PRRX2: variants seen among roughly 807,000 people sequenced by gnomAD.
PRRX2 encodes paired related homeobox 2.
PRRX2 carries 11 observed loss-of-function variants against 18.0 expected under a neutral mutation model. The observed-to-expected ratio is 0.61, with a 90% confidence interval of 0.39 to 1.01. The LOEUF is 1.01. Among genes scored for constraint, PRRX2 ranks in the 50% least tolerant of loss-of-function variants. The probability of loss-of-function intolerance (pLI) is 0.01; values close to 1 mark genes in which losing one functional copy is unlikely to be tolerated. For missense variants in PRRX2, 387 were observed against 351.0 expected, an observed-to-expected ratio of 1.10 and a Z score of -0.82; for synonymous variants, 177 against 154.8, an observed-to-expected ratio of 1.14 and a Z score of -1.06.
In PRRX2 at chr9:129,695,775, GT is replaced by G. The variant is rs1281862219; in HGVS notation, c.260-23448del. On this transcript the variant is annotated intron_variant, in intron 1 of 3. Coordinates refer to ENST00000372469, the MANE Select transcript of PRRX2 (RefSeq NM_016307.4). This position sits in a 1 kb window ranked among gnomAD's most constrained non-coding sequence, Gnocchi z 4.8. ...TAGGCGGGGAACTTTTTAAAAGTGA[GT>G]TTTTTTTCTAAAATCCAGAATTTCT... is the stretch of plus-strand genomic sequence containing the variant. Among the ~76,000 whole-genome samples the G allele has an allele frequency of 6.6e-6, 1 of 152,158 alleles. No homozygotes were observed. Among genetic ancestry groups the G allele is most frequent in the East Asian group, 1.9e-4 (1 of 5,184 alleles).
At chr9:129,674,803 G>A (rs1414882760) in intron 1 of PRRX2, among the ~76,000 whole-genome samples, 1 of 152,146 alleles carries the variant, frequency 6.6e-6, no homozygotes, top group African/African-American at 2.4e-5. Context: ...CTGAGCCTCC[G>A]TGTCCCCATC....
chr9:129,688,693 C>T (rs1183154436), intron 1 of PRRX2, among the ~76,000 whole-genome samples: 1 of 152,176 alleles, frequency 6.6e-6, no homozygotes, highest in Admixed American at 6.5e-5. Context: ...ACCTGGGAGC[C>T]TAGCAGAGCT....
chr9:129,684,458 A>ACACACACACACACC lies in PRRX2; in HGVS notation c.259+18333_259+18334insACACACACACACCC, dbSNP rs375037713. 5.6e-4 allele frequency among the ~76,000 whole-genome samples: 67 copies of ACACACACACACACC among 118,688 alleles called. 1 individual carries two copies. The highest frequency in any genetic ancestry group is 1.8e-3 in the African/African-American group (64 of 34,746). The allele number at this position is 118,688 out of a possible 152,430, so 77.9% of individuals were successfully genotyped here. ...CACACACACACACACACACACACAC[A>ACACACACACACACC]CCCAACAGAAAAGATACCAGAAATC... is the stretch of plus-strand genomic sequence containing the variant. On this transcript the variant is annotated intron_variant, in intron 1 of 3. Transcript: ENST00000372469.
intron 3 of PRRX2, 40 bp downstream of exon 3, chr9:129,720,814 C>G (rs780318379): frequency 4.7e-6 from 7 of 1,493,242 alleles, no homozygotes; most frequent in Non-Finnish European, 6.2e-6. Flanking sequence ...AGGGGCAGCT[C>G]GAGGAATCCC....
rs766838695 is a variant in PRRX2 at position 129,719,392 on chromosome 9, G to A, written c.421G>A (p.Val141Ile). Residue 141 changes from valine to isoleucine, a missense_variant, in exon 2 of 4, where the codon GTC becomes ATC. Coordinates refer to ENST00000372469, the MANE Select transcript of PRRX2 (RefSeq NM_016307.4). ...AFVREELARR[V>I]NLSEARVQVW... ...TGTGCGCGAGGAGCTTGCCCGGCGCGTCAACCTCAGCGAGGCGCGCGTTCA... is the reference window on the plus strand; with the variant it reads ...TGTGCGCGAGGAGCTTGCCCGGCGCATCAACCTCAGCGAGGCGCGCGTTCA... The A allele has an allele frequency of 9.7e-6, 15 of 1,547,348 alleles. No homozygotes were observed. Among genetic ancestry groups the A allele is most frequent in the Middle Eastern group, 2.0e-4 (1 of 5,094 alleles).
intron 1 of PRRX2, among the ~76,000 whole-genome samples, chr9:129,703,930 C>T (rs1424686015): frequency 6.6e-6 from 1 of 152,250 alleles, no homozygotes; most frequent in Non-Finnish European, 1.5e-5. Context: ...GCCTCGCAGG[C>T]ACTGCCCTTG....
At chr9:129,697,565 C>T (rs1017883793) in intron 1 of PRRX2, among the ~76,000 whole-genome samples, 84 of 151,158 alleles carry the variant, frequency 5.6e-4, no homozygotes, top group African/African-American at 1.8e-3. Flanking sequence ...CGCACATGGC[C>T]GGGCTGGGCG....
intron 1 of PRRX2, among the ~76,000 whole-genome samples, chr9:129,706,761 G>A (rs1202496146): frequency 1.3e-5 from 2 of 152,076 alleles, no homozygotes; most frequent in African/African-American, 4.8e-5. Context: ...AAAATGTGCA[G>A]TCCAGTGATT....
rs968149957 is a variant in PRRX2 at position 129,671,338 on chromosome 9, G to A, written c.259+5212G>A. Among the ~76,000 whole-genome samples, 1 of 152,206 alleles carries A rather than the reference G, an allele frequency of 6.6e-6. No individual in the cohort carries two copies. The highest frequency in any genetic ancestry group is 6.5e-5 in the Admixed American group (1 of 15,286). On this transcript the variant is annotated intron_variant, in intron 1 of 3. Transcript: ENST00000372469. This position sits in a 1 kb window ranked among gnomAD's most constrained non-coding sequence, Gnocchi z 4.0. ...TGCATCTCGGCCTTCTTTTCGCCAG[G>A]GAGGGTTGGTTCATTATTTGTGGTT...
chr9:129,684,402 CACAGAG>C (rs1419334030), intron 1 of PRRX2, among the ~76,000 whole-genome samples: 8 of 147,660 alleles, frequency 5.4e-5, no homozygotes, highest in East Asian at 4.7e-4. Context: ...GAGACACACA[CACAGAG>C]AGAGACACAC....
intron 1 of PRRX2, among the ~76,000 whole-genome samples, chr9:129,693,070 G>A (rs1387322601): frequency 2.6e-5 from 4 of 152,170 alleles, no homozygotes; most frequent in Non-Finnish European, 5.9e-5. Context: ...GGTTGTCAGT[G>A]TTCTGGATTC....
At chr9:129,716,747 G>GCA (rs1832713156) in intron 1 of PRRX2, among the ~76,000 whole-genome samples, 2 of 152,124 alleles carry the variant, frequency 1.3e-5, no homozygotes, top group Non-Finnish European at 2.9e-5. Flanking sequence ...GAGCCACCGT[G>GCA]CCTGGCCGCT....
chr9:129,699,630 C>T (rs1327995966), intron 1 of PRRX2, among the ~76,000 whole-genome samples: 2 of 152,160 alleles, frequency 1.3e-5, no homozygotes. Flanking sequence ...TTCATTCATT[C>T]ACTTACATAT....
intron 1 of PRRX2, among the ~76,000 whole-genome samples, chr9:129,669,057 GAAAA>G (rs780732143): frequency 7.4e-6 from 1 of 134,970 alleles, no homozygotes; most frequent in African/African-American, 2.8e-5. Flanking sequence ...TGAGGCAGGA[GAAAA>G]AAAAAAGAAA....
Position 129,690,798 on chromosome 9 carries a change from G to A in PRRX2, c.259+24672G>A, listed in dbSNP as rs1335973328. ...TGGGATTACAGGCATGAGCCACCGC[G>A]CCCAGCCAGTGCCAGCTCTTAACTC... On this transcript the variant is annotated intron_variant, in intron 1 of 3. Transcript: ENST00000372469. 4.6e-5 allele frequency among the ~76,000 whole-genome samples: 7 copies of A among 151,648 alleles called. No individual in the cohort carries two copies. The South Asian group carries it at 8.3e-4, about 18-fold the overall frequency.
At chr9:129,693,500 T>TG (rs1467709805) in intron 1 of PRRX2, among the ~76,000 whole-genome samples, 2 of 150,966 alleles carry the variant, frequency 1.3e-5, no homozygotes, top group Non-Finnish European at 2.9e-5. Context: ...AGGCTGAGGC[T>TG]GGAGAATCAC....
chr9:129,706,997 T>C (rs1423133107), intron 1 of PRRX2, among the ~76,000 whole-genome samples: 2 of 152,320 alleles, frequency 1.3e-5, no homozygotes, highest in African/African-American at 4.8e-5. Flanking sequence ...GGCTCACGCC[T>C]ATAATCCCAG....
intron 1 of PRRX2, among the ~76,000 whole-genome samples, chr9:129,679,011 A>G (rs947788213): frequency 8.5e-5 from 13 of 152,084 alleles, no homozygotes; most frequent in Non-Finnish European, 2.9e-5. Context: ...AAGCTCCAGG[A>G]GCCATTTAGA....
At position 129,671,579 on chromosome 9, in the gene PRRX2, G is replaced by A. The variant is rs1221884666; in HGVS notation, c.259+5453G>A. On this transcript the variant is annotated intron_variant, in intron 1 of 3. Transcript: ENST00000372469. The surrounding 1 kb of genome is among the most constrained non-coding windows in gnomAD (Gnocchi z 4.0). The stretch of plus-strand genomic sequence containing the variant: ...CCTTGAGGCCTGAAAAGAACCCTGC[G>A]AGTCAGTGTTGCCATCTGTGGGATA... Among the ~76,000 whole-genome samples the A allele has an allele frequency of 2.0e-5, 3 of 152,224 alleles. No homozygotes were observed. The highest frequency in any genetic ancestry group is 2.1e-4 in the South Asian group (1 of 4,824).
Sources: allele counts gnomAD v4.1 joint callset (sites outside exome capture counted in the v4.1 genomes callset), GRCh38; gene constraint gnomAD v4.1.1; non-coding constraint Gnocchi (gnomAD v3.1); transcripts MANE v1.5; gene names NCBI Gene and HGNC (gene_info 2026-07-23, HGNC 2026-07-21).